Variants in CFAP20DC observed in about 807,000 individuals in gnomAD.
CFAP20DC encodes protein CFAP20DC.
CFAP20DC carries 84 observed loss-of-function variants against 101.7 expected under a neutral mutation model. That is an observed-to-expected ratio of 0.83 (90% CI 0.69 to 0.99). The LOEUF is 0.99. Among genes scored for constraint, CFAP20DC ranks in the 50% least tolerant of loss-of-function variants. The pLI is 0.00. For synonymous variants in CFAP20DC, 359 were observed against 351.2 expected (o/e 1.02, Z -0.25); for missense variants, 1,007 against 970.3 (o/e 1.04, Z -0.50).
chr3:58,755,985 G>A (rs548228905), intron 15 of CFAP20DC, among the ~76,000 whole-genome samples: 25 of 152,214 alleles, frequency 1.6e-4, no homozygotes, highest in African/African-American at 4.3e-4. Flanking sequence ...TATAAAATTC[G>A]AAATTCAGTG....
chr3:58,876,611 C>A (rs941772038), intron 7 of CFAP20DC, among the ~76,000 whole-genome samples: 1 of 152,010 alleles, frequency 6.6e-6, no homozygotes, highest in African/African-American at 2.4e-5. Context: ...GGGTACATGC[C>A]TTTGTAGTTA....
At chr3:58,835,274 G>T (rs2076660947) in intron 13 of CFAP20DC, among the ~76,000 whole-genome samples, 1 of 152,128 alleles carries the variant, frequency 6.6e-6, no homozygotes, top group African/African-American at 2.4e-5. Context: ...TGAATAAGAT[G>T]CCTGAGGAAT....
intron 5 of CFAP20DC, among the ~76,000 whole-genome samples, chr3:58,928,495 T>G (rs1272110733): frequency 5.9e-5 from 9 of 152,142 alleles, no homozygotes; most frequent in African/African-American, 1.2e-4. Flanking sequence ...GGTAACTGCA[T>G]TTTATAGATG....
At chr3:58,943,669 C>T (rs935444645) in intron 4 of CFAP20DC, among the ~76,000 whole-genome samples, 3 of 152,080 alleles carry the variant, frequency 2.0e-5, no homozygotes, top group African/African-American at 4.8e-5. Context: ...TTCTTTTACT[C>T]CAAAGGATCA....
chr3:58,834,072 G>C (rs1052065689), intron 13 of CFAP20DC, among the ~76,000 whole-genome samples: 3 of 152,182 alleles, frequency 2.0e-5, no homozygotes, highest in African/African-American at 7.2e-5. Flanking sequence ...ACTAGTGGGT[G>C]CATGTTTTCC....
chr3:58,763,902 T>G (rs935043691), intron 15 of CFAP20DC, among the ~76,000 whole-genome samples: 3 of 152,164 alleles, frequency 2.0e-5, no homozygotes, highest in African/African-American at 7.2e-5. Flanking sequence ...TCTGGAAGTT[T>G]TATCTCAGAG....
chr3:58,748,297 G>A (rs2068339632), intron 16 of CFAP20DC, among the ~76,000 whole-genome samples: 1 of 152,170 alleles, frequency 6.6e-6, no homozygotes, highest in Non-Finnish European at 1.5e-5. Flanking sequence ...TCAACGTTGA[G>A]CTATGGGAAA....
At chr3:58,953,262 C>T (rs1214543356) in intron 4 of CFAP20DC, among the ~76,000 whole-genome samples, 1 of 152,162 alleles carries the variant, frequency 6.6e-6, no homozygotes, top group Non-Finnish European at 1.5e-5. Flanking sequence ...TATCTTTCAA[C>T]GTAATCCAAC....
At chr3:58,957,160 A>G (rs1178026535) in intron 4 of CFAP20DC, among the ~76,000 whole-genome samples, 4 of 152,224 alleles carry the variant, frequency 2.6e-5, no homozygotes, top group Non-Finnish European at 5.9e-5. Context: ...TCTATAGGAA[A>G]ACATCTAATT....
chr3:58,870,894 C>CAAAAAAAAAAAA (rs548763648), intron 7 of CFAP20DC, among the ~76,000 whole-genome samples: 3 of 18,940 alleles, frequency 1.6e-4, no homozygotes, highest in African/African-American at 2.1e-4. Context: ...GACTCCGTCT[C>CAAAAAAAAAAAA]AAAAAAAAAA....
At chr3:58,752,281 A>G (rs981427803) in intron 16 of CFAP20DC, among the ~76,000 whole-genome samples, 1 of 152,146 alleles carries the variant, frequency 6.6e-6, no homozygotes, top group Admixed American at 6.6e-5. Flanking sequence ...CCACCCAAGC[A>G]TATAAGAAAA....
chr3:58,763,855 T>C (rs2069953206), intron 15 of CFAP20DC, among the ~76,000 whole-genome samples: 1 of 152,164 alleles, frequency 6.6e-6, no homozygotes, highest in South Asian at 2.1e-4. Context: ...GAACAGTGGA[T>C]ATTGGTGAAC....
chr3:59,006,255 T>C lies in CFAP20DC; in HGVS notation c.278+33302A>G, dbSNP rs1360584638. On this transcript the variant is annotated intron_variant, in intron 4 of 16. Transcript: ENST00000482387. This position sits in a 1 kb window ranked among gnomAD's most constrained non-coding sequence, Gnocchi z 4.3. ...ATAAGCCAAGAAAACTATAAAATCA[T>C]GACGTTAAAAAGCCATCAGAAGGAG... Among the ~76,000 whole-genome samples, 1 of 152,054 alleles carries C rather than the reference T, an allele frequency of 6.6e-6. No individual in the cohort carries two copies. Among genetic ancestry groups the C allele is most frequent in the Non-Finnish European group, 1.5e-5 (1 of 68,022 alleles).
intron 10 of CFAP20DC, 133 bp from the exon 11 acceptor site, chr3:58,866,821 T>C: frequency 1.8e-6 from 1 of 544,050 alleles, no homozygotes; most frequent in South Asian, 3.0e-5. Flanking sequence ...ACAATATGAA[T>C]TACATGCAGT....
At chr3:59,020,595 A>T (rs910867124) in intron 4 of CFAP20DC, among the ~76,000 whole-genome samples, 1 of 152,006 alleles carries the variant, frequency 6.6e-6, no homozygotes, top group Non-Finnish European at 1.5e-5. Flanking sequence ...GTTCACAATT[A>T]TTGGCTATCT....
At chr3:59,043,544 A>G (rs569115787) in intron 3 of CFAP20DC, among the ~76,000 whole-genome samples, 18 of 152,000 alleles carry the variant, frequency 1.2e-4, no homozygotes, top group African/African-American at 4.3e-4. Flanking sequence ...GAAACCTCAT[A>G]AAGGTGACCT....
At chr3:58,785,085 A>C (rs1288606313) in intron 15 of CFAP20DC, among the ~76,000 whole-genome samples, 2 of 152,094 alleles carry the variant, frequency 1.3e-5, no homozygotes, top group Middle Eastern at 3.2e-3. Flanking sequence ...TACACAATAT[A>C]CTATTGTTCT....
intron 6 of CFAP20DC, among the ~76,000 whole-genome samples, chr3:58,901,138 T>C (rs1278034342): frequency 2.6e-5 from 4 of 152,222 alleles, no homozygotes; most frequent in Non-Finnish European, 5.9e-5. Context: ...AGTGCTTTAG[T>C]TATGTGGAAT....
chr3:59,018,828 G>A (rs2108960098), intron 4 of CFAP20DC: 1 of 152,182 alleles, frequency 6.6e-6, no homozygotes, highest in African/African-American at 2.4e-5. Flanking sequence ...CTGTGGTCAT[G>A]TAGTGAACGT....
Sources: allele counts gnomAD v4.1 joint callset (sites outside exome capture counted in the v4.1 genomes callset), GRCh38; gene constraint gnomAD v4.1.1; non-coding constraint Gnocchi (gnomAD v3.1); transcripts MANE v1.5; gene names NCBI Gene and HGNC (gene_info 2026-07-23, HGNC 2026-07-21).